NELL1: variants seen among roughly 807,000 people sequenced by gnomAD.
NELL1 encodes the protein neural EGFL like 1.
Under a neutral mutation model 107.4 loss-of-function variants are expected in NELL1, and 76 were observed. That is an observed-to-expected ratio of 0.71 (90% CI 0.59 to 0.86). NELL1 has a LOEUF of 0.86. Ranked by LOEUF, NELL1 falls within the 40% of genes least tolerant of loss-of-function variation. NELL1 has a pLI of 0.00. For synonymous variants in NELL1, 353 were observed against 341.2 expected, an observed-to-expected ratio of 1.03 and a Z score of -0.38; for missense variants, 1,024 against 1,005.5, an observed-to-expected ratio of 1.02 and a Z score of -0.25.
At chr11:20,841,757 C>T (rs892373887) in intron 3 of NELL1, among the ~76,000 whole-genome samples, 1 of 151,802 alleles carries the variant, frequency 6.6e-6, no homozygotes. Context: ...CTCTGCCATA[C>T]ACTCTAAGAG....
At chr11:20,742,642 C>G (rs1018572807) in intron 2 of NELL1, among the ~76,000 whole-genome samples, 6 of 152,138 alleles carry the variant, frequency 3.9e-5, no homozygotes, top group South Asian at 4.1e-4. Context: ...AGGAGAACTC[C>G]TCTTTGTAAA....
chr11:20,709,720 T>C (rs1316726583), intron 2 of NELL1, among the ~76,000 whole-genome samples: 1 of 152,186 alleles, frequency 6.6e-6, no homozygotes, highest in Admixed American at 6.5e-5. Context: ...TTTCTTTCAA[T>C]AGTGTTTTGT....
intron 5 of NELL1, among the ~76,000 whole-genome samples, chr11:20,892,513 A>T (rs1849637442): frequency 6.6e-6 from 1 of 152,224 alleles, no homozygotes; most frequent in African/African-American, 2.4e-5. Context: ...ACCATTGTGG[A>T]CGATAGTATG....
In NELL1 at chr11:20,889,010, A is replaced by G. The variant is rs551964911; in HGVS notation, c.603+3470A>G. Among the ~76,000 whole-genome samples, 128 of 152,222 alleles carry G rather than the reference A, an allele frequency of 8.4e-4. 2 individuals carry two copies. Among genetic ancestry groups the G allele is most frequent in the Non-Finnish European group, 1.9e-4 (13 of 68,044 alleles). On this transcript the variant is annotated intron_variant, in intron 5 of 19. Coordinates refer to ENST00000357134, the MANE Select transcript of NELL1 (RefSeq NM_006157.5). ...CACATTTGCTAATGTTTTATTGCCC[A>G]AAGCAAGTCATATGGCCAACTCCAG...
At position 20,678,205 on chromosome 11, in the gene NELL1, G is replaced by A. The variant is rs192479983; in HGVS notation, c.184+145G>A. 1.8e-5 allele frequency: 16 copies of A among 884,030 alleles called. No individual in the cohort carries two copies. In the Admixed American group the frequency reaches 2.9e-4, roughly 16 times the overall value. The allele number at this position is 884,030 out of a possible 1,614,324, so 54.8% of individuals were successfully genotyped here. A position where few individuals can be genotyped will look rare whatever the true frequency, so the allele number is the denominator to read the frequency against. ...TCTTGAGTGTTTAGATATGCAGGGGGTATTATTCTGAGGGCAGGAGGGAGG... is the reference window on the plus strand; with the variant it reads ...TCTTGAGTGTTTAGATATGCAGGGGATATTATTCTGAGGGCAGGAGGGAGG... On this transcript the variant is annotated intron_variant, in intron 2 of 19. Coordinates refer to ENST00000357134, the MANE Select transcript of NELL1 (RefSeq NM_006157.5).
At chr11:20,759,525 C>T (rs1223384928) in intron 2 of NELL1, among the ~76,000 whole-genome samples, 1 of 152,180 alleles carries the variant, frequency 6.6e-6, no homozygotes, top group Non-Finnish European at 1.5e-5. Flanking sequence ...CATAACCTCT[C>T]GTGTTTTGTG....
chr11:20,804,053 T>C (rs1288093983), intron 3 of NELL1, among the ~76,000 whole-genome samples: 1 of 46,440 alleles, frequency 2.2e-5, no homozygotes, highest in Non-Finnish European at 3.9e-5. Flanking sequence ...TGTGAGTTAA[T>C]ATTTAATAAA....
At chr11:21,013,793 T>C (rs1852504259) in intron 12 of NELL1, among the ~76,000 whole-genome samples, 1 of 152,162 alleles carries the variant, frequency 6.6e-6, no homozygotes, top group Non-Finnish European at 1.5e-5. Flanking sequence ...TTGCCTATTG[T>C]CCTTTATCTG....
chr11:20,920,454 A>C (rs1017440887), intron 7 of NELL1, among the ~76,000 whole-genome samples: 2 of 152,022 alleles, frequency 1.3e-5, no homozygotes, highest in African/African-American at 4.8e-5. Flanking sequence ...TGGAAAGGAG[A>C]GATGGAAAAC....
intron 12 of NELL1, among the ~76,000 whole-genome samples, chr11:21,008,879 G>A (rs1852386598): frequency 6.6e-6 from 1 of 152,096 alleles, no homozygotes; most frequent in Admixed American, 6.5e-5. Context: ...AATTTAACAT[G>A]GAGGAGAAGA....
chr11:21,519,395 A>T (rs1418166821), intron 15 of NELL1, among the ~76,000 whole-genome samples: 2 of 152,154 alleles, frequency 1.3e-5, no homozygotes, highest in Non-Finnish European at 2.9e-5. Context: ...GATAATTTTC[A>T]TTTATAATAT....
At chr11:21,065,547 A>C (rs988084413) in intron 12 of NELL1, among the ~76,000 whole-genome samples, 2 of 152,176 alleles carry the variant, frequency 1.3e-5, no homozygotes, top group African/African-American at 4.8e-5. Context: ...ACCCTTGATA[A>C]TGGATTCTCT....
intron 14 of NELL1, among the ~76,000 whole-genome samples, chr11:21,365,402 C>G (rs563879631): frequency 6.6e-6 from 1 of 152,148 alleles, no homozygotes; most frequent in Non-Finnish European, 1.5e-5. Flanking sequence ...CTTATCTAAG[C>G]CAGCTTTCTC....
rs1313603091 is a variant in NELL1 at position 20,937,794 on chromosome 11, A to G, written c.1006A>G (p.Ile336Val). 4 of 1,613,856 alleles carry G rather than the reference A, an allele frequency of 2.5e-6. No individual in the cohort carries two copies. The highest frequency in any genetic ancestry group is 3.4e-6 in the Non-Finnish European group (4 of 1,179,872). Residue 336 changes from isoleucine to valine, a missense_variant, in exon 10 of 20, where the codon ATC becomes GTC. Physicochemically the swap from Ile to Val is conservative, Grantham distance 29 (BLOSUM62 3). Coordinates refer to ENST00000357134, the MANE Select transcript of NELL1 (RefSeq NM_006157.5). ...QCCKVCRPKC[I>V]YGGKVLAEGQ... ...TTTATGTTTTATTACAGCAAAATGTATCTATGGAGGAAAAGTTCTTGCAGA... is the reference window on the plus strand; with the variant it reads ...TTTATGTTTTATTACAGCAAAATGTGTCTATGGAGGAAAAGTTCTTGCAGA...
chr11:21,419,078 A>G (rs1852592924), intron 15 of NELL1, among the ~76,000 whole-genome samples: 1 of 152,058 alleles, frequency 6.6e-6, no homozygotes, highest in Admixed American at 6.6e-5. Context: ...CTGTTTCAGG[A>G]AGTCTGGATG....
At chr11:20,870,352 T>G (rs541124543) in intron 4 of NELL1, among the ~76,000 whole-genome samples, 103 of 152,326 alleles carry the variant, frequency 6.8e-4, no homozygotes, top group Admixed American at 1.0e-3. Flanking sequence ...CTCACCTTTT[T>G]AATTTTTATT....
At chr11:20,818,714 GGA>G (rs1857681496) in intron 3 of NELL1, among the ~76,000 whole-genome samples, 1 of 152,108 alleles carries the variant, frequency 6.6e-6, no homozygotes, top group Non-Finnish European at 1.5e-5. Flanking sequence ...TCTAGCTTGG[GGA>G]GCTTCCCAAA....
intron 10 of NELL1, among the ~76,000 whole-genome samples, chr11:20,940,291 G>T (rs953008607): frequency 4.0e-5 from 6 of 149,838 alleles, no homozygotes; most frequent in African/African-American, 1.5e-4. Context: ...ACCGGGTCTC[G>T]CTCTGTCTCC....
chr11:20,992,262 GC>G (rs1851992243), intron 12 of NELL1, among the ~76,000 whole-genome samples: 1 of 152,172 alleles, frequency 6.6e-6, no homozygotes. Context: ...CTTAATCCAT[GC>G]TTTTAATTTC....
Sources: allele counts gnomAD v4.1 joint callset (sites outside exome capture counted in the v4.1 genomes callset), GRCh38; gene constraint gnomAD v4.1.1; transcripts MANE v1.5; gene names NCBI Gene and HGNC (gene_info 2026-07-23, HGNC 2026-07-21).